Variants in PPFIA3 observed in about 807,000 individuals in gnomAD.
The protein encoded by PPFIA3 is liprin-alpha-3.
A neutral mutation model predicts 145.8 loss-of-function variants in PPFIA3; 26 were observed. That is an observed-to-expected ratio of 0.18 (90% CI 0.13 to 0.25). PPFIA3 has a LOEUF of 0.25. PPFIA3 is among the 10% of genes least tolerant of loss of function. PPFIA3 has a pLI of 1.00. For synonymous variants in PPFIA3, 645 were observed against 661.4 expected, an observed-to-expected ratio of 0.98 and a Z score of 0.38; for missense variants, 1,008 against 1,587.8, an observed-to-expected ratio of 0.63 and a Z score of 6.21.
At chr19:49,127,096 A>T (rs2122537776) in intron 1 of PPFIA3, among the ~76,000 whole-genome samples, 1 of 151,270 alleles carries the variant, frequency 6.6e-6, no homozygotes, top group South Asian at 2.1e-4. Context: ...AAAAAAAAAA[A>T]AAAAAGGTCA....
Position 49,128,292 on chromosome 19 carries a change from C to G in PPFIA3, c.241-75C>G, listed in dbSNP as rs2041028350. On this transcript the variant is annotated intron_variant, in intron 2 of 29. Transcript: ENST00000334186. This position sits in a 1 kb window ranked among gnomAD's most constrained non-coding sequence, Gnocchi z 4.1. ...TAGCAGGGAGGGCGGGACCTTCAAA[C>G]TTCCAGTCCCAGTGAATGAAGGAGA... 1 of 1,557,326 alleles carries G rather than the reference C, an allele frequency of 6.4e-7. No homozygotes were observed. Among genetic ancestry groups the G allele is most frequent in the South Asian group, 1.1e-5 (1 of 89,728 alleles).
At position 49,148,739 on chromosome 19, in the gene PPFIA3, G is replaced by C. The variant is rs773660359; in HGVS notation, c.3085G>C (p.Glu1029Gln). The C allele has an allele frequency of 1.2e-6, 2 of 1,614,064 alleles. No homozygotes were observed. The highest frequency in any genetic ancestry group is 2.2e-5 in the East Asian group (1 of 44,874). Residue 1029 changes from glutamate (E) to glutamine (Q), a missense_variant, in exon 25 of 30, where the codon GAA (glutamate) becomes CAA (glutamine). Physicochemically the swap from Glu to Gln is conservative, Grantham distance 29. Coordinates refer to ENST00000334186, the MANE Select transcript of PPFIA3 (RefSeq NM_003660.4). ...YDRKDLERRR[E>Q]ESQTQIRDVM... ...CCGGAAGGACCTGGAGCGGAGGCGG[G>C]AAGAAAGTCAGACCCAGATCCGAGG...
In PPFIA3 at chr19:49,136,922, G is replaced by GC; in HGVS notation, c.1853+15dup. On this transcript the variant is annotated intron_variant, in intron 15 of 29. Transcript: ENST00000334186. ...CAACAAGGAGATCAAGTGAGCCCTG[G>GC]CCCCGCCCCGGCCTGCCCTGCCCTG... The GC allele has an allele frequency of 6.6e-7, 1 of 1,508,192 alleles. No individual in the cohort carries two copies. Among genetic ancestry groups the GC allele is most frequent in the Non-Finnish European group, 8.9e-7 (1 of 1,120,920 alleles). 93.4% of individuals were successfully genotyped at this position (1,508,192 alleles called of 1,614,324 possible). A position where few individuals can be genotyped will look rare whatever the true frequency, so the allele number is the denominator to read the frequency against.
In PPFIA3 at chr19:49,120,089, C is replaced by T. The variant is rs1170493856; in HGVS notation, c.-16+367C>T. ...AGACGCGTCCGCATCGTCCCCGCTT[C>T]GCGCACTCCGTCTCCCGTCGCCAGC... On this transcript the variant is annotated intron_variant, in intron 1 of 29. Transcript: ENST00000334186. The surrounding 1 kb of genome is among the most constrained non-coding windows in gnomAD (Gnocchi z 4.6). Among the ~76,000 whole-genome samples, 4 of 152,086 alleles carry T rather than the reference C, an allele frequency of 2.6e-5. No individual in the cohort carries two copies. Among genetic ancestry groups the T allele is most frequent in the African/African-American group, 9.7e-5 (4 of 41,430 alleles).
intron 28 of PPFIA3, 52 bp from the exon 29 acceptor site, chr19:49,150,028 G>A: frequency 6.4e-7 from 1 of 1,561,320 alleles, no homozygotes; most frequent in African/African-American, 1.3e-5. Context: ...ATCCTGGAGA[G>A]GAACAGGGAG....
At chr19:49,138,129 C>T (rs1245603758) in intron 15 of PPFIA3, 76 bp from the exon 16 acceptor site, 1 of 1,450,224 alleles carries the variant, frequency 6.9e-7, no homozygotes, top group Non-Finnish European at 9.1e-7. Flanking sequence ...GCCTTTCTGG[C>T]CCATTGTGCT....
chr19:49,135,816 C>G lies in PPFIA3; in HGVS notation c.1558C>G (p.Gln520Glu). ...PGSALELRYS[Q>E]APTLPSGAHL... Reference sequence around the variant, plus strand: ...CAGTGCCCTGGAGCTCCGTTACTCTCAGGCACCCACTTTACCTTCTGGTGC... The same window carrying G: ...CAGTGCCCTGGAGCTCCGTTACTCTGAGGCACCCACTTTACCTTCTGGTGC... Residue 520 changes from glutamine (Q) to glutamate (E), a missense_variant, in exon 14 of 30, where the codon CAG becomes GAG. This residue lies in a region of PPFIA3 where 121 missense variants were observed against 138.2 expected (regional missense o/e 0.88). Coordinates refer to ENST00000334186, the MANE Select transcript of PPFIA3 (RefSeq NM_003660.4). The G allele has an allele frequency of 6.2e-7, 1 of 1,613,910 alleles. No individual in the cohort carries two copies. The highest frequency in any genetic ancestry group is 2.2e-5 in the East Asian group (1 of 44,862).
At chr19:49,123,688 G>A (rs1199642888) in intron 1 of PPFIA3, among the ~76,000 whole-genome samples, 2 of 151,268 alleles carry the variant, frequency 1.3e-5, no homozygotes, top group Non-Finnish European at 2.9e-5. Flanking sequence ...ATGATCCCCC[G>A]GGCTCAGCCT....
intron 7 of PPFIA3, among the ~76,000 whole-genome samples, chr19:49,132,212 A>AC (rs1283182592): frequency 6.6e-6 from 1 of 150,994 alleles, no homozygotes; most frequent in African/African-American, 2.4e-5. Flanking sequence ...ACATCGTGAA[A>AC]CCCCCGTCTC....
intron 1 of PPFIA3, among the ~76,000 whole-genome samples, chr19:49,123,195 A>AT (rs544983949): frequency 9.9e-5 from 15 of 151,084 alleles, no homozygotes; most frequent in South Asian, 8.3e-4. Context: ...CGCCTGGCTA[A>AT]TTTTTTTTGT....
intron 20 of PPFIA3, 100 bp downstream of exon 20, chr19:49,142,215 C>A: frequency 1.7e-6 from 2 of 1,165,924 alleles, no homozygotes; most frequent in Non-Finnish European, 2.4e-6. Context: ...CTGCTTCTAG[C>A]CCAGAGGTGG....
At chr19:49,123,442 C>T (rs2040961003) in intron 1 of PPFIA3, among the ~76,000 whole-genome samples, 1 of 151,630 alleles carries the variant, frequency 6.6e-6, no homozygotes, top group Non-Finnish European at 1.5e-5. Context: ...GCCCTAATTT[C>T]ACATTCTTTT....
chr19:49,134,104 G>A lies in PPFIA3; in HGVS notation c.1316G>A (p.Ser439Asn). The A allele has an allele frequency of 1.9e-6, 3 of 1,613,974 alleles. No individual in the cohort carries two copies. Among genetic ancestry groups the A allele is most frequent in the Middle Eastern group, 1.7e-4 (1 of 6,058 alleles). Reference sequence around the variant, plus strand: ...TCCGAGACGGTGGACAAGCTGCTGAGCGAGTCCAACGAGCGCTTACAGCTT... The same window carrying A: ...TCCGAGACGGTGGACAAGCTGCTGAACGAGTCCAACGAGCGCTTACAGCTT... Reference protein sequence around the residue: ...RLSETVDKLLSESNERLQLHL... With the variant: ...RLSETVDKLLNESNERLQLHL... Residue 439 changes from serine to asparagine, a missense_variant, in exon 11 of 30, where the codon AGC becomes AAC. This residue lies in a region of PPFIA3 where 109 missense variants were observed against 198.1 expected (regional missense o/e 0.55). Transcript: ENST00000334186.
chr19:49,136,612 TG>T, intron 14 of PPFIA3, 111 bp from the exon 15 acceptor site: 1 of 624,066 alleles, frequency 1.6e-6, no homozygotes, highest in Non-Finnish European at 2.4e-6. Context: ...AAAATAAAGC[TG>T]GGCTGGGAAA....
Position 49,133,715 on chromosome 19 carries a change from G to C in PPFIA3, c.1162-81G>C, listed in dbSNP as rs2122575504. ...TGGCGCTGTGGGGGCGGAGCCTGGC[G>C]CTCAGCCTTGGAGGAGGTGGGGCTG... On this transcript the variant is annotated intron_variant, in intron 9 of 29. Coordinates refer to ENST00000334186, the MANE Select transcript of PPFIA3 (RefSeq NM_003660.4). This position sits in a 1 kb window ranked among gnomAD's most constrained non-coding sequence, Gnocchi z 7.2. The C allele has an allele frequency of 7.0e-7, 1 of 1,438,118 alleles. No homozygotes were observed. The highest frequency in any genetic ancestry group is 2.3e-5 in the East Asian group (1 of 43,090). 89.1% of individuals were successfully genotyped at this position (1,438,118 alleles called of 1,614,324 possible). A position where few individuals can be genotyped will look rare whatever the true frequency, so the allele number is the denominator to read the frequency against.
chr19:49,135,015 C>T, intron 13 of PPFIA3, 100 bp downstream of exon 13: 1 of 999,092 alleles, frequency 1.0e-6, no homozygotes, highest in Non-Finnish European at 1.4e-6. Flanking sequence ...CCTGAGACTT[C>T]TGACCCCTCT....
At chr19:49,145,799 A>C in intron 21 of PPFIA3, 144 bp from the exon 22 acceptor site, 1 of 738,760 alleles carries the variant, frequency 1.4e-6, no homozygotes, top group Admixed American at 2.1e-5. Flanking sequence ...TATAATAAGA[A>C]TCATTCCTTT....
intron 15 of PPFIA3, among the ~76,000 whole-genome samples, chr19:49,137,828 T>C (rs1047487446): frequency 6.6e-6 from 1 of 152,056 alleles, no homozygotes; most frequent in Non-Finnish European, 1.5e-5. Flanking sequence ...AGATCCTAGA[T>C]TGGCCTGAGT....
chr19:49,141,077 C>T (rs78127348), intron 18 of PPFIA3, among the ~76,000 whole-genome samples: 1,716 of 152,268 alleles, frequency 0.011, 8 homozygotes, highest in Middle Eastern at 0.014. Context: ...GCTGACATCA[C>T]ACTGGTAGCT....
Sources: allele counts gnomAD v4.1 joint callset (sites outside exome capture counted in the v4.1 genomes callset), GRCh38; gene constraint gnomAD v4.1.1; regional missense constraint gnomAD v4.1.1; non-coding constraint Gnocchi (gnomAD v3.1); transcripts MANE v1.5; gene names NCBI Gene and HGNC (gene_info 2026-07-23, HGNC 2026-07-21).